Variants in FOCAD observed in about 807,000 individuals in gnomAD.
FOCAD encodes the protein KIAA1797.
Under a neutral mutation model 225.6 loss-of-function variants are expected in FOCAD, and 198 were observed. The ratio of observed to expected loss-of-function variants is 0.88; its 90% CI spans 0.78 to 0.99. The LOEUF (loss-of-function observed/expected upper bound fraction) is 0.99, where lower values mean the gene tolerates loss of function less well. FOCAD is among the 50% of genes least tolerant of loss of function. The pLI is 0.00. For missense variants in FOCAD, 2,713 were observed against 2,123.6 expected (o/e 1.28, Z -5.46); for synonymous variants, 897 against 755.0 (o/e 1.19, Z -3.08).
chr9:20,884,973 C>G (rs1830985447), intron 20 of FOCAD, 136 bp from the exon 21 acceptor site: 2 of 290,414 alleles, frequency 6.9e-6, no homozygotes, highest in Non-Finnish European at 1.1e-5. Context: ...GCAGAAGAAT[C>G]CCTTGAACCC....
At chr9:20,768,691 C>T (rs564748952) in intron 7 of FOCAD, among the ~76,000 whole-genome samples, 1 of 152,258 alleles carries the variant, frequency 6.6e-6, no homozygotes, top group East Asian at 1.9e-4. Flanking sequence ...TAGAAATAAC[C>T]ATGCAACCTT....
intron 15 of FOCAD, among the ~76,000 whole-genome samples, chr9:20,857,254 G>A (rs1564077830): frequency 6.6e-6 from 1 of 151,614 alleles, no homozygotes; most frequent in Non-Finnish European, 1.5e-5. Flanking sequence ...TTTTCTGTGT[G>A]TCCTCTTCAT....
chr9:20,875,643 A>T (rs1027838191), intron 19 of FOCAD: 8 of 151,876 alleles, frequency 5.3e-5, no homozygotes, highest in African/African-American at 1.9e-4. Context: ...TGTGGTAATT[A>T]TTCTATATGT....
rs775515495 is a variant in FOCAD, at chr9:20,659,424, G to GAGAA, written c.-78+614_-78+617dup. Among the ~76,000 whole-genome samples, 801 of 140,458 alleles carry GAGAA rather than the reference G, an allele frequency of 5.7e-3. 12 individuals are homozygous for GAGAA. Among genetic ancestry groups the GAGAA allele is most frequent in the African/African-American group, 0.021 (758 of 36,294 alleles). The allele number at this position is 140,458 out of a possible 152,430, so 92.1% of individuals were successfully genotyped here. A position where few individuals can be genotyped will look rare whatever the true frequency, so the allele number is the denominator to read the frequency against. ...CATCTAAAAAAAAAGAGAAAGAAAGGAGAAAGAAAGAAAGAAAGACAGACA... is the reference window on the plus strand; with the variant it reads ...CATCTAAAAAAAAAGAGAAAGAAAGGAGAAAGAAAGAAAGAAAGAAAGACAGACA... On this transcript the variant is annotated intron_variant, in intron 2 of 45. Transcript: ENST00000380249.
At chr9:20,795,653 G>A (rs953230816) in intron 11 of FOCAD, among the ~76,000 whole-genome samples, 20 of 151,598 alleles carry the variant, frequency 1.3e-4, no homozygotes, top group African/African-American at 4.6e-4. Context: ...GCGTGGTGGC[G>A]GGTGCCTGTA....
At chr9:20,862,800 GT>G in intron 16 of FOCAD, 88 bp downstream of exon 16, 1 of 1,173,290 alleles carries the variant, frequency 8.5e-7, no homozygotes. Context: ...TTCCTAATCT[GT>G]TGTTGTTGTT....
At chr9:20,660,980 A>G (rs1358989287) in intron 2 of FOCAD, among the ~76,000 whole-genome samples, 1 of 152,204 alleles carries the variant, frequency 6.6e-6, no homozygotes, top group African/African-American at 2.4e-5. Flanking sequence ...ATGTTCATAG[A>G]CCACGGGAAA....
At chr9:20,993,470 T>G in intron 43 of FOCAD, 142 bp downstream of exon 43, 1 of 666,532 alleles carries the variant, frequency 1.5e-6, no homozygotes, top group Non-Finnish European at 2.5e-6. Context: ...ATTTTGGATG[T>G]TTTTGGATTT....
At chr9:20,792,791 A>G (rs1449429468) in intron 11 of FOCAD, among the ~76,000 whole-genome samples, 2 of 152,188 alleles carry the variant, frequency 1.3e-5, no homozygotes, top group Admixed American at 1.3e-4. Context: ...TTATGTGACT[A>G]GGTTCATGGG....
intron 2 of FOCAD, among the ~76,000 whole-genome samples, chr9:20,667,984 G>C (rs1392510901): frequency 6.6e-6 from 1 of 151,842 alleles, no homozygotes; most frequent in Non-Finnish European, 1.5e-5. Context: ...GTTTGGACAG[G>C]GAAATAGAAG....
chr9:20,791,949 A>G (rs1006797257), intron 11 of FOCAD, among the ~76,000 whole-genome samples: 14 of 152,212 alleles, frequency 9.2e-5, no homozygotes, highest in Non-Finnish European at 1.9e-4. Context: ...TATATGTGGT[A>G]GGTGTGCCGA....
chr9:20,976,698 T>G, intron 36 of FOCAD, 150 bp downstream of exon 36: 1 of 846,022 alleles, frequency 1.2e-6, no homozygotes, highest in Non-Finnish European at 1.9e-6. Context: ...TGGGTTACTT[T>G]CACTCAGTCA....
chr9:20,787,476 G>A (rs1261932764), intron 10 of FOCAD, among the ~76,000 whole-genome samples: 4 of 152,074 alleles, frequency 2.6e-5, no homozygotes, highest in African/African-American at 7.2e-5. Context: ...ATTTTATGGT[G>A]TTTGTCATTA....
intron 1 of FOCAD, among the ~76,000 whole-genome samples, chr9:20,710,287 A>G (rs1023650495): frequency 7.3e-5 from 6 of 82,396 alleles, no homozygotes; most frequent in Non-Finnish European, 6.9e-5. Context: ...CTGTGGCTTT[A>G]TCCAGGGTTT....
At chr9:20,913,923 G>T (rs1833654637) in intron 23 of FOCAD, among the ~76,000 whole-genome samples, 1 of 151,962 alleles carries the variant, frequency 6.6e-6, no homozygotes, top group African/African-American at 2.4e-5. Flanking sequence ...AAAACTCATG[G>T]GCTGTGTATA....
upstream of FOCAD, chr9:20,684,104 G>T (rs375131162): frequency 2.6e-5 from 4 of 152,314 alleles, no homozygotes; most frequent in Admixed American, 1.3e-4. Context: ...ACCGCAGTGC[G>T]CGGCCCGGGC....
intron 2 of FOCAD, among the ~76,000 whole-genome samples, chr9:20,662,184 ATGTGTGTGTGTGTGCATATATG>A (rs1325565047): frequency 6.7e-6 from 1 of 150,334 alleles, no homozygotes; most frequent in African/African-American, 2.4e-5. Context: ...GTGGAAATAT[ATGTGTGTGTGTGTGCATATATG>A]TGTGTGTGTG....
intron 1 of FOCAD, among the ~76,000 whole-genome samples, chr9:20,693,731 G>C (rs1056334788): frequency 5.3e-5 from 8 of 151,884 alleles, no homozygotes; most frequent in Non-Finnish European, 7.4e-5. Context: ...TATTTATTTA[G>C]ATGGAATCTT....
chr9:20,881,947 A>G lies in FOCAD; in HGVS notation c.2394A>G (p.Leu798=), dbSNP rs1049346315. 5.0e-6 allele frequency: 8 copies of G among 1,613,822 alleles called. No homozygotes were observed. Among genetic ancestry groups the G allele is most frequent in the Non-Finnish European group, 6.8e-6 (8 of 1,179,902 alleles). Residue 798 remains leucine (L), a synonymous_variant, in exon 20 of 44, where the codon TTA becomes TTG. Transcript: ENST00000338382. ...NMPRGIYHSA[L]KGGARSDQGK... Reference sequence around the variant, plus strand: ...CTCGTGGGATATATCACTCTGCATTAAAAGGAGGTGCCCGCTCAGACCAAG... The same window carrying G: ...CTCGTGGGATATATCACTCTGCATTGAAAGGAGGTGCCCGCTCAGACCAAG...
Sources: gnomAD v4.1 joint callset for allele counts (sites outside exome capture counted in the v4.1 genomes callset) on GRCh38, gnomAD v4.1.1 for gene constraint, MANE v1.5 for transcripts, NCBI Gene and HGNC (gene_info 2026-07-23, HGNC 2026-07-21) for gene names.